The following GABRA2 variants were observed in gnomAD, a reference collection of about 807,000 sequenced individuals.
The protein encoded by GABRA2 is gamma-aminobutyric acid receptor subunit alpha-2.
Under a neutral mutation model 48.7 loss-of-function variants are expected in GABRA2, and 16 were observed. That is an observed-to-expected ratio of 0.33 (90% CI 0.22 to 0.50). GABRA2 has a LOEUF of 0.50. GABRA2 is among the 20% of genes least tolerant of loss of function. The probability of loss-of-function intolerance (pLI) is 0.98; values close to 1 mark genes in which losing one functional copy is unlikely to be tolerated. For synonymous variants in GABRA2, 185 were observed against 184.5 expected (o/e 1.00, Z -0.02); for missense variants, 275 against 535.6 (o/e 0.51, Z 4.80).
intron 3 of GABRA2, among the ~76,000 whole-genome samples, chr4:46,363,170 T>A (rs921399215): frequency 6.6e-6 from 1 of 152,078 alleles, no homozygotes; most frequent in Non-Finnish European, 1.5e-5. Flanking sequence ...ATGGATAAGA[T>A]AGATGATAAG....
At chr4:46,325,841 C>T (rs1730270875) in intron 4 of GABRA2, among the ~76,000 whole-genome samples, 1 of 151,954 alleles carries the variant, frequency 6.6e-6, no homozygotes, top group South Asian at 2.1e-4. Context: ...AGTCCTTACC[C>T]CACTGCTTGT....
chr4:46,296,832 G>T (rs1374449970), intron 8 of GABRA2, among the ~76,000 whole-genome samples: 2 of 152,096 alleles, frequency 1.3e-5, no homozygotes, highest in Non-Finnish European at 2.9e-5. Flanking sequence ...AAATGTTTGT[G>T]CATGTATACA....
At chr4:46,309,719 G>A (rs1727305748) in intron 6 of GABRA2, among the ~76,000 whole-genome samples, 1 of 151,978 alleles carries the variant, frequency 6.6e-6, no homozygotes, top group African/African-American at 2.4e-5. Context: ...AAATAAAAAA[G>A]AAATCCTTCC....
chr4:46,269,252 T>A (rs1048079027), intron 8 of GABRA2, among the ~76,000 whole-genome samples: 3 of 151,814 alleles, frequency 2.0e-5, no homozygotes, highest in African/African-American at 7.2e-5. Flanking sequence ...ATTAGCTGAC[T>A]TTAATCTTCC....
At chr4:46,337,674 G>A (rs911764908) in intron 3 of GABRA2, among the ~76,000 whole-genome samples, 9 of 146,600 alleles carry the variant, frequency 6.1e-5, no homozygotes, top group African/African-American at 2.2e-4. Flanking sequence ...AAAAGAGACT[G>A]AGATTAGCAA....
intron 1 of GABRA2, 129 bp from the exon 2 acceptor site, chr4:46,388,845 ACT>A: frequency 6.7e-7 from 1 of 1,498,712 alleles, no homozygotes; most frequent in Non-Finnish European, 8.9e-7. Context: ...TACTTCCTGG[ACT>A]CTGTGTAGGA....
At chr4:46,339,798 T>C (rs1202784359) in intron 3 of GABRA2, among the ~76,000 whole-genome samples, 1 of 151,822 alleles carries the variant, frequency 6.6e-6, no homozygotes, top group Non-Finnish European at 1.5e-5. Context: ...GTTTTTGGTG[T>C]TCTGTATTTA....
In GABRA2 at chr4:46,248,463, A is replaced by G. The variant is rs1714123664; in HGVS notation, c.*1845T>C. The G allele has an allele frequency of 6.6e-6, 1 of 151,388 alleles. No homozygotes were observed. Among genetic ancestry groups the G allele is most frequent in the Non-Finnish European group, 1.5e-5 (1 of 67,594 alleles). The allele number at this position is 151,388 out of a possible 1,614,324, so 9.4% of individuals were successfully genotyped here. On this transcript the variant is annotated 3_prime_UTR_variant, in exon 10 of 10. Transcript: ENST00000381620. ...AATACATTTATTGGCTCATGTAACA[A>G]TTTTATTTTATTAAGGATTATGGAT...
chr4:46,376,754 C>T (rs1715768042), intron 3 of GABRA2, among the ~76,000 whole-genome samples: 2 of 151,164 alleles, frequency 1.3e-5, no homozygotes, highest in Admixed American at 1.3e-4. Context: ...CTCTCCCTCT[C>T]CCTCTCCCTC....
At chr4:46,321,230 T>A (rs769210392) in intron 4 of GABRA2, among the ~76,000 whole-genome samples, 45 of 151,764 alleles carry the variant, frequency 3.0e-4, no homozygotes, top group Non-Finnish European at 6.5e-4. Context: ...GTTACTGCGG[T>A]GGGATGTGAA....
intron 3 of GABRA2, chr4:46,366,056 T>C (rs1713984304): frequency 6.6e-6 from 1 of 152,116 alleles, no homozygotes. Context: ...TACCAAGAAA[T>C]GCTGAGATTA....
intron 5 of GABRA2, 101 bp downstream of exon 5, chr4:46,312,395 A>T: frequency 1.4e-6 from 1 of 728,790 alleles, no homozygotes; most frequent in Non-Finnish European, 2.3e-6. Context: ...CTGTTAGAAA[A>T]CACTCAACTT....
chr4:46,373,597 C>A (rs1049998594), intron 3 of GABRA2, among the ~76,000 whole-genome samples: 3 of 152,082 alleles, frequency 2.0e-5, no homozygotes, highest in African/African-American at 7.2e-5. Context: ...TCTGATCCTG[C>A]AACTCTATAA....
At position 46,347,717 on chromosome 4, in the gene GABRA2, T is replaced by A. The variant is rs192628724; in HGVS notation, c.188-15035A>T. On this transcript the variant is annotated intron_variant, in intron 3 of 9. Coordinates refer to ENST00000381620, the MANE Select transcript of GABRA2 (RefSeq NM_000807.4). ...GTTGGATATGACCCAAGAAGCACAG[T>A]CAACAAAAGCAAAAAATAAACAAAT... Among the ~76,000 whole-genome samples, 6 of 151,740 alleles carry A rather than the reference T, an allele frequency of 4.0e-5. No homozygotes were observed. In the East Asian group the frequency reaches 9.8e-4, roughly 25 times the overall value.
intron 2 of GABRA2, among the ~76,000 whole-genome samples, chr4:46,388,250 T>A (rs887002625): frequency 2.0e-5 from 3 of 151,962 alleles, no homozygotes; most frequent in African/African-American, 2.4e-5. Context: ...AAAAAAAAAA[T>A]TAGTTAACAC....
intron 4 of GABRA2, among the ~76,000 whole-genome samples, chr4:46,328,962 T>G (rs187699101): frequency 2.6e-5 from 4 of 152,226 alleles, no homozygotes; most frequent in Admixed American, 1.3e-4. Flanking sequence ...TTGAGCACTA[T>G]CTTCCCTAAT....
At chr4:46,387,074 T>C (rs577368533) in intron 2 of GABRA2, among the ~76,000 whole-genome samples, 1 of 152,330 alleles carries the variant, frequency 6.6e-6, no homozygotes, top group African/African-American at 2.4e-5. Context: ...ACTAAATGTA[T>C]AAAACAGAAT....
At chr4:46,251,819 T>C (rs1437085312) in intron 9 of GABRA2, among the ~76,000 whole-genome samples, 1 of 151,478 alleles carries the variant, frequency 6.6e-6, no homozygotes, top group Admixed American at 6.6e-5. Flanking sequence ...TTCACCTTTG[T>C]AATCTTAGCA....
rs772049740 is a variant in GABRA2, at chr4:46,250,471, T to C, written c.1193A>G (p.Lys398Arg). Residue 398 changes from lysine to arginine, a missense_variant, in exon 10 of 10, where the codon AAG becomes AGG. Lys to Arg is a conservative substitution (Grantham distance 26). Around this residue, in one of 4 missense-constraint regions of GABRA2, gnomAD observed 99 missense variants for 124.3 expected, o/e 0.80. Transcript: ENST00000381620. ...SKSATTPEPN[K>R]KPENKPAEAK... ...TTCAGCTGGCTTGTTTTCTGGCTTC[T>C]TGTTGGGTTCTGGCGTGGTTGCACT... The C allele has an allele frequency of 1.9e-6, 3 of 1,612,242 alleles. No individual in the cohort carries two copies. The highest frequency in any genetic ancestry group is 2.5e-6 in the Non-Finnish European group (3 of 1,178,754).
Sources: gnomAD v4.1 joint callset for allele counts (sites outside exome capture counted in the v4.1 genomes callset) on GRCh38, gnomAD v4.1.1 for gene constraint, gnomAD v4.1.1 regional missense constraint, MANE v1.5 for transcripts, NCBI Gene and HGNC (gene_info 2026-07-23, HGNC 2026-07-21) for gene names.